FYB2: variants seen among roughly 807,000 people sequenced by gnomAD.
The protein encoded by FYB2 is FYN binding protein 2.
Under a neutral mutation model 94.1 loss-of-function variants are expected in FYB2, and 103 were observed. The observed-to-expected ratio is 1.09, with a 90% confidence interval of 0.93 to 1.29. The LOEUF is 1.29. FYB2 is among the 50% of genes most tolerant of loss of function. The probability of loss-of-function intolerance (pLI) is 0.00; values close to 1 mark genes in which losing one functional copy is unlikely to be tolerated. For synonymous variants in FYB2, 293 were observed against 287.9 expected (o/e 1.02, Z -0.18); for missense variants, 896 against 841.5 (o/e 1.06, Z -0.80).
At chr1:56,733,360 G>A (rs1312098999) in intron 15 of FYB2, among the ~76,000 whole-genome samples, 3 of 151,922 alleles carry the variant, frequency 2.0e-5, no homozygotes, top group African/African-American at 7.3e-5. Context: ...TATCAATTTT[G>A]TTGATCTTTT....
At position 56,792,310 on chromosome 1, in the gene FYB2, T is replaced by C; in HGVS notation, c.503A>G (p.His168Arg). ...CCCCATGCCTTTTTGCCCTTCCAGA[T>C]GGATGGCCTTACTTCCATAGTTGGC... ...LLANYGSKAI[H>R]LEGQKGMGLT... is the part of the protein sequence containing the mutation. Residue 168 changes from histidine to arginine, a missense_variant, in exon 2 of 20, where the codon CAT (histidine) becomes CGT (arginine). Transcript: ENST00000343433. The C allele has an allele frequency of 6.2e-7, 1 of 1,614,146 alleles. No homozygotes were observed. Among genetic ancestry groups the C allele is most frequent in the Non-Finnish European group, 8.5e-7 (1 of 1,180,000 alleles).
At chr1:56,785,098 A>T (rs1646102870) in intron 4 of FYB2, among the ~76,000 whole-genome samples, 1 of 152,226 alleles carries the variant, frequency 6.6e-6, no homozygotes, top group African/African-American at 2.4e-5. Flanking sequence ...AACAGTCAAA[A>T]TGGCCCCTGT....
At position 56,753,935 on chromosome 1, in the gene FYB2, A is replaced by C. The variant is rs1258170038; in HGVS notation, c.1131T>G (p.Ser377Arg). Residue 377 changes from serine to arginine, a missense_variant and splice_region_variant, in exon 8 of 20, where the codon AGT becomes AGG. Transcript: ENST00000343433. ...TCATTTTTTTATCTTCATGTTTAGC[A>C]CTGAAATGTGAAGAGATACCAGGAA... is the stretch of plus-strand genomic sequence containing the variant. Reference protein sequence around the residue: ...PGKNFPYPEPSAKHEDKKMKE... With the variant: ...PGKNFPYPEPRAKHEDKKMKE... 6.3e-7 allele frequency: 1 copy of C among 1,577,954 alleles called. No homozygotes were observed.
chr1:56,772,087 C>G (rs1490806970), intron 4 of FYB2, among the ~76,000 whole-genome samples: 1 of 152,074 alleles, frequency 6.6e-6, no homozygotes, highest in Non-Finnish European at 1.5e-5. Flanking sequence ...TCCCCTCCCC[C>G]TTCATAAAGT....
Position 56,792,219 on chromosome 1 carries a change from C to T in FYB2, c.594G>A (p.Lys198=), listed in dbSNP as rs760055856. 9 of 1,613,744 alleles carry T rather than the reference C, an allele frequency of 5.6e-6. No individual in the cohort carries two copies. The highest frequency in any genetic ancestry group is 1.6e-4 in the Middle Eastern group (1 of 6,082). ...TKGAQTLPSQ[K]HVVAPKILHN... ...GTAATATTTTGGGGGCCACCACGTG[C>T]TTCTGGGAAGGAAGAGTCTGGGCTC... is the stretch of plus-strand genomic sequence containing the variant. Residue 198 remains lysine (K), a synonymous_variant, in exon 2 of 20, where the codon AAG becomes AAA. Transcript: ENST00000343433.
upstream of FYB2, among the ~76,000 whole-genome samples, chr1:56,821,916 G>T (rs1646995155): frequency 6.6e-6 from 1 of 152,122 alleles, no homozygotes; most frequent in Non-Finnish European, 1.5e-5. Flanking sequence ...TTTGAAGGTT[G>T]ACCTAAGTTG....
intron 4 of FYB2, among the ~76,000 whole-genome samples, chr1:56,785,299 T>C (rs974785801): frequency 1.3e-5 from 2 of 152,210 alleles, no homozygotes; most frequent in African/African-American, 4.8e-5. Flanking sequence ...CACTCAATCC[T>C]ACTGAGATGC....
chr1:56,826,201 A>G, the FYB2 span, among the ~76,000 whole-genome samples: 1 of 152,144 alleles, frequency 6.6e-6, no homozygotes, highest in African/African-American at 2.4e-5. Context: ...GGGGGGTTGT[A>G]GGTTTAGTCC....
intron 4 of FYB2, among the ~76,000 whole-genome samples, 179 bp downstream of exon 4, chr1:56,786,996 A>C (rs977339206): frequency 6.6e-6 from 1 of 152,152 alleles, no homozygotes; most frequent in African/African-American, 2.4e-5. Flanking sequence ...TGTTAAATGC[A>C]ATTTATTTAA....
chr1:56,761,315 A>G (rs1391569092), intron 5 of FYB2, among the ~76,000 whole-genome samples: 2 of 152,232 alleles, frequency 1.3e-5, no homozygotes, highest in East Asian at 1.9e-4. Context: ...TTAATTCTCA[A>G]TGACAATCAC....
At chr1:56,756,333 C>T (rs189580437) in intron 6 of FYB2, among the ~76,000 whole-genome samples, 66 of 152,234 alleles carry the variant, frequency 4.3e-4, no homozygotes, top group African/African-American at 1.6e-3. Flanking sequence ...CTCCGTTACT[C>T]GCTGATCATG....
chr1:56,823,465 A>T (rs2101144143), upstream of FYB2, among the ~76,000 whole-genome samples: 1 of 152,350 alleles, frequency 6.6e-6, no homozygotes, highest in Non-Finnish European at 1.5e-5. Context: ...TAAAATGCCT[A>T]GAATTATCTT....
chr1:56,795,195 C>T (rs1646367416), intron 1 of FYB2, among the ~76,000 whole-genome samples: 1 of 151,988 alleles, frequency 6.6e-6, no homozygotes, highest in Non-Finnish European at 1.5e-5. Context: ...CTGAATTTGA[C>T]TATTCTAGGT....
intron 5 of FYB2, among the ~76,000 whole-genome samples, chr1:56,760,715 G>T (rs1353303301): frequency 6.6e-6 from 1 of 152,134 alleles, no homozygotes; most frequent in Admixed American, 6.5e-5. Flanking sequence ...TCTTAGAAAT[G>T]ATGAAACCAA....
intron 3 of FYB2, among the ~76,000 whole-genome samples, chr1:56,788,332 T>C (rs1446819427): frequency 6.6e-6 from 1 of 152,222 alleles, no homozygotes; most frequent in Non-Finnish European, 1.5e-5. Flanking sequence ...CCAAAGTGTA[T>C]GTTCATCTTG....
intron 17 of FYB2, among the ~76,000 whole-genome samples, chr1:56,723,247 T>TA (rs1286097748): frequency 6.6e-6 from 1 of 151,446 alleles, no homozygotes; most frequent in African/African-American, 2.4e-5. Flanking sequence ...ACAAATGCTT[T>TA]AATACAACTA....
At position 56,792,629 on chromosome 1, in the gene FYB2, G is replaced by C; in HGVS notation, c.184C>G (p.Arg62Gly). The C allele has an allele frequency of 6.2e-7, 1 of 1,614,090 alleles. No individual in the cohort carries two copies. Among genetic ancestry groups the C allele is most frequent in the Non-Finnish European group, 8.5e-7 (1 of 1,179,998 alleles). The change falls in exon 2 of 20, where the codon CGC (arginine) becomes GGC (glycine). Residue 62 changes from arginine to glycine, a missense_variant. Transcript: ENST00000343433. The part of the protein sequence containing the change: ...GKPLSSNHKQ[R>G]TPYCSSSESQ... ...TCACTACTGGAACAGTATGGTGTGCGCTGCTTGTGGTTGGATGAGAGGGGT... is the reference window on the plus strand; with the variant it reads ...TCACTACTGGAACAGTATGGTGTGCCCTGCTTGTGGTTGGATGAGAGGGGT...
intron 4 of FYB2, among the ~76,000 whole-genome samples, chr1:56,783,340 A>C (rs1291670103): frequency 6.6e-6 from 1 of 152,158 alleles, no homozygotes; most frequent in African/African-American, 2.4e-5. Context: ...TAGAACCTGC[A>C]CTTGTTCCTT....
chr1:56,735,702 C>T (rs1027452692), intron 15 of FYB2, among the ~76,000 whole-genome samples: 3 of 151,968 alleles, frequency 2.0e-5, no homozygotes, highest in African/African-American at 4.8e-5. Flanking sequence ...GGGGTTCTTT[C>T]CCCTTCACTT....
Sources: allele counts gnomAD v4.1 joint callset (sites outside exome capture counted in the v4.1 genomes callset), GRCh38; gene constraint gnomAD v4.1.1; transcripts MANE v1.5; gene names NCBI Gene and HGNC (gene_info 2026-07-23, HGNC 2026-07-21).